Variants in CELF4 observed in about 807,000 individuals in gnomAD.
CELF4 encodes CUG-BP- and ETR-3-like factor 4.
Under a neutral mutation model 59.9 loss-of-function variants are expected in CELF4, and 18 were observed. The observed-to-expected ratio is 0.30, with a 90% CI of 0.21 to 0.45. The LOEUF (loss-of-function observed/expected upper bound fraction) is 0.45, where lower values mean the gene tolerates loss of function less well. Ranked by LOEUF, CELF4 falls within the 20% of genes least tolerant of loss-of-function variation. CELF4 has a pLI of 1.00. For synonymous variants in CELF4, 261 were observed against 267.1 expected (o/e 0.98, Z 0.22); for missense variants, 456 against 689.0 (o/e 0.66, Z 3.79).
intron 3 of CELF4, among the ~76,000 whole-genome samples, chr18:37,320,335 CAAA>C (rs397858112): frequency 1.8e-3 from 120 of 65,224 alleles, no homozygotes; most frequent in African/African-American, 6.6e-3. Flanking sequence ...GACTCCATCT[CAAA>C]AAAAAAAAAA....
intron 12 of CELF4, among the ~76,000 whole-genome samples, chr18:37,251,008 G>C (rs1167558422): frequency 6.6e-6 from 1 of 152,064 alleles, no homozygotes; most frequent in Non-Finnish European, 1.5e-5. Context: ...GGGGTAATAG[G>C]TTGGGGTGAG....
At chr18:37,442,114 T>C (rs532958290) in intron 2 of CELF4, among the ~76,000 whole-genome samples, 174 of 152,196 alleles carry the variant, frequency 1.1e-3, no homozygotes, top group Middle Eastern at 6.8e-3. Context: ...GCCAGACTTG[T>C]GGACAAAGGA....
intron 2 of CELF4, among the ~76,000 whole-genome samples, chr18:37,466,610 C>G (rs889144215): frequency 2.0e-5 from 3 of 152,202 alleles, no homozygotes; most frequent in African/African-American, 7.2e-5. Flanking sequence ...TTTCAATAGC[C>G]TCACAGCTAC....
intron 3 of CELF4, among the ~76,000 whole-genome samples, chr18:37,312,835 TG>T (rs1424283786): frequency 6.6e-6 from 1 of 152,166 alleles, no homozygotes; most frequent in African/African-American, 2.4e-5. Flanking sequence ...TGGTTTCCTG[TG>T]ATGCCTCCCC....
intron 2 of CELF4, among the ~76,000 whole-genome samples, chr18:37,381,810 T>C (rs993299816): frequency 1.3e-5 from 2 of 152,092 alleles, no homozygotes; most frequent in African/African-American, 2.4e-5. Flanking sequence ...CCTGCATCTA[T>C]GAGAATTCCT....
At chr18:37,517,035 A>C (rs2099951446) in intron 1 of CELF4, among the ~76,000 whole-genome samples, 1 of 152,218 alleles carries the variant, frequency 6.6e-6, no homozygotes, top group South Asian at 2.1e-4. Flanking sequence ...ACATATGTGC[A>C]CATGCACATG....
At chr18:37,488,737 G>A (rs563822465) in intron 1 of CELF4, among the ~76,000 whole-genome samples, 1 of 152,180 alleles carries the variant, frequency 6.6e-6, no homozygotes, top group Non-Finnish European at 1.5e-5. Context: ...TGCACCCAGT[G>A]AAAACCCCTT....
chr18:37,485,525 C>G lies in CELF4; in HGVS notation c.369G>C (p.Gly123=). 1 of 1,379,748 alleles carries G rather than the reference C, an allele frequency of 7.2e-7. No individual in the cohort carries two copies. The highest frequency in any genetic ancestry group is 9.5e-7 in the Non-Finnish European group (1 of 1,055,070). 85.5% of individuals were successfully genotyped at this position (1,379,748 alleles called of 1,614,324 possible). The change falls in exon 2 of 13, where the codon GGG becomes GGC. Residue 123 remains glycine, a splice_region_variant and synonymous_variant. Transcript: ENST00000420428. The part of the protein sequence containing the change: ...SALHEQKTLP[G]MNRPIQVKPA... ...TTGCGCCACGGCGGGCGCCACTTAC[C>G]CCGGGCAGAGTCTTCTGCTCGTGCA... is the stretch of plus-strand genomic sequence containing the variant.
chr18:37,364,107 G>T (rs493527), intron 2 of CELF4, among the ~76,000 whole-genome samples: 2,783 of 152,290 alleles, frequency 0.018, 78 homozygotes, highest in African/African-American at 0.063. Flanking sequence ...TCCTTTAAAT[G>T]GGAATGTTTC....
chr18:37,506,146 CA>C (rs1466208274), intron 1 of CELF4, among the ~76,000 whole-genome samples: 2 of 143,180 alleles, frequency 1.4e-5, no homozygotes, highest in Non-Finnish European at 1.5e-5. Flanking sequence ...AGCAGAAAAA[CA>C]AATCAAAGTT....
At chr18:37,390,137 G>T (rs191693082) in intron 2 of CELF4, among the ~76,000 whole-genome samples, 1 of 152,186 alleles carries the variant, frequency 6.6e-6, no homozygotes, top group Non-Finnish European at 1.5e-5. Context: ...CCTTGTCCAC[G>T]CCCCCTCCCC....
rs113816428 is a variant in CELF4, at chr18:37,301,364, C to T, written c.448+20439G>A. Among the ~76,000 whole-genome samples the T allele has an allele frequency of 4.6e-3, 706 of 152,276 alleles. 11 individuals carry two copies. The highest frequency in any genetic ancestry group is 0.016 in the African/African-American group (673 of 41,562). The stretch of plus-strand genomic sequence containing the variant: ...CTCCGCCAGACTGGACACTAAAAGA[C>T]GGCAGAGATGGGGGCATGGGTCCCT... On this transcript the variant is annotated intron_variant, in intron 3 of 12. Coordinates refer to ENST00000420428, the MANE Select transcript of CELF4 (RefSeq NM_020180.4).
chr18:37,266,590 G>T lies in CELF4; in HGVS notation c.1108C>A (p.Pro370Thr). The T allele has an allele frequency of 6.3e-7, 1 of 1,590,386 alleles. No individual in the cohort carries two copies. The highest frequency in any genetic ancestry group is 1.1e-5 in the South Asian group (1 of 86,998). ...NGIHPYPAQS[P>T]TAADPLQQAY... ...TGCTGCAGGGGGTCCGCGGCGGTGG[G>T]GCTCTGTGCTGTAGGGAGCCAAGGG... Residue 370 changes from proline to threonine, a missense_variant, in exon 9 of 13, where the codon CCC becomes ACC. Pro to Thr is a conservative substitution (Grantham distance 38). Transcript: ENST00000420428.
At chr18:37,428,073 C>T (rs1331179819) in intron 2 of CELF4, among the ~76,000 whole-genome samples, 1 of 152,244 alleles carries the variant, frequency 6.6e-6, no homozygotes, top group Non-Finnish European at 1.5e-5. Context: ...CTGGGAGCAG[C>T]AGCTACCTGT....
At chr18:37,470,974 A>G (rs750220382) in intron 2 of CELF4, among the ~76,000 whole-genome samples, 8 of 150,572 alleles carry the variant, frequency 5.3e-5, no homozygotes, top group Non-Finnish European at 8.8e-5. Context: ...AGAAATCCCT[A>G]CGTGTGGTAG....
chr18:37,433,027 C>G (rs2099675361), intron 2 of CELF4, among the ~76,000 whole-genome samples: 1 of 152,200 alleles, frequency 6.6e-6, no homozygotes. Context: ...ACACCTATCT[C>G]CAACATGATA....
intron 2 of CELF4, among the ~76,000 whole-genome samples, chr18:37,450,913 A>C (rs1235319547): frequency 6.6e-6 from 1 of 152,124 alleles, no homozygotes; most frequent in Non-Finnish European, 1.5e-5. Flanking sequence ...CTGGCTCAGA[A>C]GGCTGTGCTC....
intron 2 of CELF4, among the ~76,000 whole-genome samples, chr18:37,464,150 T>A (rs117181276): frequency 6.6e-6 from 1 of 152,144 alleles, no homozygotes; most frequent in East Asian, 1.9e-4. Context: ...TAGCGGTGCA[T>A]AATTAGTTTC....
At chr18:37,305,671 T>A (rs1280808464) in intron 3 of CELF4, 2 of 152,238 alleles carry the variant, frequency 1.3e-5, no homozygotes, top group Admixed American at 1.3e-4. Flanking sequence ...CACCAGCTGG[T>A]AACCCCAGCA....
Sources: gnomAD v4.1 joint callset for allele counts (sites outside exome capture counted in the v4.1 genomes callset) on GRCh38, gnomAD v4.1.1 for gene constraint, MANE v1.5 for transcripts, NCBI Gene and HGNC (gene_info 2026-07-23, HGNC 2026-07-21) for gene names.